The following ARHGAP42 variants were observed in gnomAD, a reference collection of about 807,000 sequenced individuals.
ARHGAP42 encodes Rho GTPase activating protein 42.
ARHGAP42 carries 63 observed loss-of-function variants against 125.0 expected under a neutral mutation model. The observed-to-expected ratio is 0.50, with a 90% confidence interval of 0.41 to 0.62. ARHGAP42 has a LOEUF of 0.62. Ranked by LOEUF, ARHGAP42 falls within the 20% of genes least tolerant of loss-of-function variation. The pLI, the probability that ARHGAP42 is intolerant of heterozygous loss-of-function variation, is 0.00. For missense variants in ARHGAP42, 766 were observed against 1,024.2 expected (o/e 0.75, Z 3.44); for synonymous variants, 339 against 351.0 (o/e 0.97, Z 0.38).
At chr11:100,795,981 C>A (rs1438999895) in intron 3 of ARHGAP42, among the ~76,000 whole-genome samples, 1 of 152,224 alleles carries the variant, frequency 6.6e-6, no homozygotes, top group African/African-American at 2.4e-5. Flanking sequence ...TACACATATA[C>A]AGCCATACTT....
chr11:100,840,574 G>C (rs1437210315), intron 3 of ARHGAP42: 1 of 151,952 alleles, frequency 6.6e-6, no homozygotes, highest in African/African-American at 2.4e-5. Flanking sequence ...TATCAAAAAG[G>C]GTACATATGA....
At chr11:100,891,873 A>G (rs555242649) in intron 4 of ARHGAP42, among the ~76,000 whole-genome samples, 4 of 152,302 alleles carry the variant, frequency 2.6e-5, no homozygotes, top group African/African-American at 9.6e-5. Flanking sequence ...TCTAATGTGG[A>G]AGTCCAGTCT....
chr11:100,831,764 A>G (rs994548556), intron 3 of ARHGAP42, among the ~76,000 whole-genome samples: 2 of 152,166 alleles, frequency 1.3e-5, no homozygotes, highest in Non-Finnish European at 2.9e-5. Context: ...AAATACTTCC[A>G]CTATAAATGG....
intron 3 of ARHGAP42, among the ~76,000 whole-genome samples, chr11:100,816,196 T>C (rs1457176413): frequency 6.6e-6 from 1 of 152,200 alleles, no homozygotes; most frequent in East Asian, 1.9e-4. Context: ...CATATGGTAA[T>C]TCTATTTTTA....
At chr11:100,869,682 T>A (rs1449749804) in intron 4 of ARHGAP42, among the ~76,000 whole-genome samples, 3 of 152,164 alleles carry the variant, frequency 2.0e-5, no homozygotes, top group East Asian at 1.9e-4. Context: ...GAAAGTTTTT[T>A]AATTCAAATC....
chr11:100,785,842 A>G, intron 2 of ARHGAP42, among the ~76,000 whole-genome samples: 1 of 152,196 alleles, frequency 6.6e-6, no homozygotes, highest in East Asian at 1.9e-4. Flanking sequence ...CCTGTAATGT[A>G]GCAGGATACA....
chr11:100,750,522 G>A (rs532598935), intron 1 of ARHGAP42, among the ~76,000 whole-genome samples: 4 of 147,726 alleles, frequency 2.7e-5, no homozygotes, highest in Non-Finnish European at 4.5e-5. Flanking sequence ...GGACAAGGGA[G>A]GGGAAGGGGT....
chr11:100,785,478 C>T (rs1863410861), intron 2 of ARHGAP42, among the ~76,000 whole-genome samples: 1 of 152,120 alleles, frequency 6.6e-6, no homozygotes, highest in African/African-American at 2.4e-5. Flanking sequence ...CTTTTAGTGT[C>T]CTTGTGGGTG....
intron 1 of ARHGAP42, among the ~76,000 whole-genome samples, chr11:100,750,644 G>T (rs531825259): frequency 6.6e-6 from 1 of 152,092 alleles, no homozygotes; most frequent in South Asian, 2.1e-4. Flanking sequence ...GAGTGATGGG[G>T]TGAGTGGTTT....
intron 2 of ARHGAP42, among the ~76,000 whole-genome samples, chr11:100,779,459 AAAAAAAAAAT>A (rs1243922438): frequency 2.3e-5 from 2 of 87,268 alleles, no homozygotes; most frequent in African/African-American, 7.6e-5. Context: ...AAAAAAAAAA[AAAAAAAAAAT>A]ATATATATAT....
chr11:100,954,085 A>T (rs1162645654), intron 12 of ARHGAP42, among the ~76,000 whole-genome samples: 1 of 152,170 alleles, frequency 6.6e-6, no homozygotes, highest in African/African-American at 2.4e-5. Flanking sequence ...AGGCAAAAGC[A>T]GTTAACATTT....
At chr11:100,730,269 G>A (rs997782522) in intron 1 of ARHGAP42, among the ~76,000 whole-genome samples, 1 of 151,882 alleles carries the variant, frequency 6.6e-6, no homozygotes, top group Non-Finnish European at 1.5e-5. Context: ...AGTTCAAACT[G>A]CATCATGGTT....
chr11:100,714,784 C>T (rs1352229804), intron 1 of ARHGAP42, among the ~76,000 whole-genome samples: 4 of 152,060 alleles, frequency 2.6e-5, no homozygotes, highest in African/African-American at 9.7e-5. Flanking sequence ...AATCCCAGCA[C>T]TTTTGGAGGC....
intron 3 of ARHGAP42, among the ~76,000 whole-genome samples, chr11:100,798,072 G>T (rs900309994): frequency 6.6e-6 from 1 of 152,166 alleles, no homozygotes; most frequent in African/African-American, 2.4e-5. Context: ...CTGAATTGCT[G>T]CAATCTCATG....
chr11:100,890,115 A>T (rs182080585), intron 4 of ARHGAP42, among the ~76,000 whole-genome samples: 3 of 152,342 alleles, frequency 2.0e-5, no homozygotes, highest in Admixed American at 2.0e-4. Context: ...GGAACAGAGC[A>T]GGCATCCAGA....
intron 1 of ARHGAP42, among the ~76,000 whole-genome samples, chr11:100,720,312 G>A (rs184050340): frequency 6.6e-6 from 1 of 152,162 alleles, no homozygotes; most frequent in African/African-American, 2.4e-5. Flanking sequence ...AAAAGTTTAA[G>A]GTGGGATTCC....
At chr11:100,688,148 T>C (rs1861122858) in intron 1 of ARHGAP42, among the ~76,000 whole-genome samples, 1 of 152,116 alleles carries the variant, frequency 6.6e-6, no homozygotes, top group Non-Finnish European at 1.5e-5. Context: ...TTTTAATTTA[T>C]TGTGTCTATT....
chr11:100,779,207 G>A lies in ARHGAP42; in HGVS notation c.250+8769G>A, dbSNP rs1211565435. On this transcript the variant is annotated intron_variant, in intron 2 of 23. Transcript: ENST00000298815. ...CACGCCTGTAATCCCAGCACTTTGGGAGGCCAAGGTGGGTGGATCACCTGA... is the reference window on the plus strand; with the variant it reads ...CACGCCTGTAATCCCAGCACTTTGGAAGGCCAAGGTGGGTGGATCACCTGA... Among the ~76,000 whole-genome samples, 4 of 151,804 alleles carry A rather than the reference G, an allele frequency of 2.6e-5. No individual in the cohort carries two copies. In the East Asian group the frequency reaches 5.8e-4, roughly 22 times the overall value.
intron 3 of ARHGAP42, among the ~76,000 whole-genome samples, chr11:100,858,117 G>GTGTGTGTGTGTGTGTGTGT (rs33909850): frequency 7.4e-6 from 1 of 134,536 alleles, no homozygotes; most frequent in African/African-American, 2.6e-5. Context: ...GTGTGTGTGT[G>GTGTGTGTGTGTGTGTGTGT]TGTGTGTTTA....
Sources: allele counts gnomAD v4.1 joint callset (sites outside exome capture counted in the v4.1 genomes callset), GRCh38; gene constraint gnomAD v4.1.1; transcripts MANE v1.5; gene names NCBI Gene and HGNC (gene_info 2026-07-23, HGNC 2026-07-21).